The following FHIP1A variants were observed in gnomAD, a reference collection of about 807,000 sequenced individuals.
FHIP1A encodes the protein FHF complex subunit HOOK interacting protein 1A.
Under a neutral mutation model 88.6 loss-of-function variants are expected in FHIP1A, and 61 were observed. That is an observed-to-expected ratio of 0.69 (90% CI 0.56 to 0.85). The LOEUF is 0.85. Among genes scored for constraint, FHIP1A ranks in the 40% least tolerant of loss-of-function variants. FHIP1A has a pLI of 0.00. For synonymous variants in FHIP1A, 478 were observed against 496.0 expected, an observed-to-expected ratio of 0.96 and a Z score of 0.48; for missense variants, 1,154 against 1,273.5, an observed-to-expected ratio of 0.91 and a Z score of 1.43.
intron 7 of FHIP1A, among the ~76,000 whole-genome samples, chr4:151,603,322 AAAAG>A (rs1198562375): frequency 6.6e-6 from 1 of 151,984 alleles, no homozygotes; most frequent in South Asian, 2.1e-4. Flanking sequence ...GAAAAAAAAA[AAAAG>A]AGAGATTGTA....
intron 3 of FHIP1A, among the ~76,000 whole-genome samples, chr4:151,525,872 G>T (rs989220143): frequency 6.8e-4 from 103 of 151,914 alleles, no homozygotes; most frequent in Admixed American, 3.4e-3. Flanking sequence ...GTGAACAAAG[G>T]TCTCTGGTTT....
rs530194411 is a variant in FHIP1A, at chr4:151,447,157, A to G, written c.-355-7544A>G. ...TATTTGCGTATTTCACCACATTAGTAATTTATTTTAAAAGATACTCTTTGG... is the reference window on the plus strand; with the variant it reads ...TATTTGCGTATTTCACCACATTAGTGATTTATTTTAAAAGATACTCTTTGG... On this transcript the variant is annotated intron_variant, in intron 1 of 13. Coordinates refer to ENST00000435205, the MANE Select transcript of FHIP1A (RefSeq NM_001109977.3). Among the ~76,000 whole-genome samples, 47 of 152,298 alleles carry G rather than the reference A, an allele frequency of 3.1e-4. No individual in the cohort carries two copies. The South Asian group carries it at 6.2e-3, about 20-fold the overall frequency.
chr4:151,523,733 A>G (rs1464238032), intron 3 of FHIP1A, among the ~76,000 whole-genome samples: 11 of 152,242 alleles, frequency 7.2e-5, no homozygotes, highest in Middle Eastern at 3.4e-3. Context: ...AACCTTCTCA[A>G]TATGTGTTTG....
intron 3 of FHIP1A, among the ~76,000 whole-genome samples, chr4:151,548,794 C>T (rs891359104): frequency 4.6e-5 from 7 of 152,188 alleles, no homozygotes; most frequent in African/African-American, 7.2e-5. Context: ...TGGTGGCACA[C>T]GCCTGTAATC....
At chr4:151,411,040 G>T (rs1732618956) in intron 1 of FHIP1A, among the ~76,000 whole-genome samples, 2 of 152,186 alleles carry the variant, frequency 1.3e-5, no homozygotes, top group South Asian at 4.1e-4. Context: ...AGGTCCAACT[G>T]CCCAGCTACC....
chr4:151,471,072 G>A (rs1165839787), intron 2 of FHIP1A, among the ~76,000 whole-genome samples: 1 of 151,992 alleles, frequency 6.6e-6, no homozygotes, highest in Non-Finnish European at 1.5e-5. Flanking sequence ...TAGTATCTGG[G>A]GATCAATGAA....
chr4:151,431,399 A>G (rs911046438), intron 1 of FHIP1A, among the ~76,000 whole-genome samples: 4 of 152,158 alleles, frequency 2.6e-5, no homozygotes, highest in Non-Finnish European at 5.9e-5. Flanking sequence ...TAAGCCCCTT[A>G]TTATTATTGT....
chr4:151,641,514 C>T (rs920058998), intron 9 of FHIP1A, among the ~76,000 whole-genome samples: 5 of 152,330 alleles, frequency 3.3e-5, no homozygotes, highest in Admixed American at 3.3e-4. Flanking sequence ...TGTAAACATT[C>T]TTAAAACATT....
At chr4:151,448,587 A>G (rs1728688111) in intron 1 of FHIP1A, among the ~76,000 whole-genome samples, 2 of 152,184 alleles carry the variant, frequency 1.3e-5, no homozygotes, top group Admixed American at 6.5e-5. Context: ...GGCTTATTTC[A>G]CTTAGCATAA....
rs185879278 is a variant in FHIP1A, at chr4:151,638,721, A to T, written c.1191A>T (p.Leu397Phe). Residue 397 changes from leucine (L) to phenylalanine (F), a missense_variant, in exon 9 of 14, where the codon TTA (leucine) becomes TTT (phenylalanine). Transcript: ENST00000435205. ...SLALFRTLIG[L>F]HCEDVMLQLV... ...CATTATTCAGAACTCTCATTGGTTTACATTGTGAAGATGTGATGTTACAGC... is the reference window on the plus strand; with the variant it reads ...CATTATTCAGAACTCTCATTGGTTTTCATTGTGAAGATGTGATGTTACAGC... 613 of 1,550,470 alleles carry T rather than the reference A, an allele frequency of 4.0e-4. 1 individual carries two copies. The Middle Eastern group carries it at 5.7e-3, about 14-fold the overall frequency.
intron 7 of FHIP1A, among the ~76,000 whole-genome samples, chr4:151,611,173 G>A (rs778999340): frequency 3.6e-4 from 54 of 152,082 alleles, no homozygotes; most frequent in Non-Finnish European, 3.4e-4. Flanking sequence ...TGTTTAGCTA[G>A]CATTGTGAGG....
intron 1 of FHIP1A, among the ~76,000 whole-genome samples, chr4:151,410,827 G>T (rs1489098687): frequency 1.3e-5 from 2 of 152,202 alleles, no homozygotes; most frequent in South Asian, 2.1e-4. Context: ...TATCTTTTTA[G>T]TTCCAGTTAA....
At chr4:151,416,005 A>T (rs1003671828) in intron 1 of FHIP1A, among the ~76,000 whole-genome samples, 5 of 152,034 alleles carry the variant, frequency 3.3e-5, no homozygotes, top group Non-Finnish European at 4.4e-5. Flanking sequence ...TAAGGAGTTC[A>T]GAAAATCCAC....
intron 10 of FHIP1A, 36 bp from the exon 11 acceptor site, chr4:151,649,423 C>T (rs1261540145): frequency 2.7e-6 from 4 of 1,472,886 alleles, no homozygotes; most frequent in Non-Finnish European, 2.8e-6. Flanking sequence ...GTCCCCACAC[C>T]TCCCTTGTTC....
At chr4:151,436,376 T>C (rs1281882476) in intron 1 of FHIP1A, 1 of 152,166 alleles carries the variant, frequency 6.6e-6, no homozygotes, top group Non-Finnish European at 1.5e-5. Context: ...CTGGTTTATT[T>C]TTACCCTGTG....
intron 8 of FHIP1A, among the ~76,000 whole-genome samples, chr4:151,637,638 G>C (rs62327278): frequency 0.25 from 37,824 of 152,080 alleles, 5,645 homozygotes; most frequent in Non-Finnish European, 0.33. Flanking sequence ...AGAACAGAAA[G>C]GTTTCTTAAG....
At chr4:151,477,534 C>T (rs1408231827) in intron 2 of FHIP1A, among the ~76,000 whole-genome samples, 2 of 151,948 alleles carry the variant, frequency 1.3e-5, no homozygotes, top group African/African-American at 4.8e-5. Flanking sequence ...TTTTAAAAAA[C>T]CTGAGTAGCT....
intron 3 of FHIP1A, among the ~76,000 whole-genome samples, chr4:151,563,991 A>C (rs1304618306): frequency 1.3e-5 from 2 of 152,124 alleles, no homozygotes; most frequent in African/African-American, 2.4e-5. Context: ...CCCTGTCTCT[A>C]ATAAAACAAC....
intron 1 of FHIP1A, among the ~76,000 whole-genome samples, chr4:151,410,983 A>G (rs1251034516): frequency 6.6e-6 from 1 of 152,244 alleles, no homozygotes; most frequent in African/African-American, 2.4e-5. Context: ...GAAACTGGAC[A>G]TCACTGAAGT....
Sources: allele counts gnomAD v4.1 joint callset (sites outside exome capture counted in the v4.1 genomes callset), GRCh38; gene constraint gnomAD v4.1.1; transcripts MANE v1.5; gene names NCBI Gene and HGNC (gene_info 2026-07-23, HGNC 2026-07-21).